Variants in PALM2AKAP2 observed in about 807,000 individuals in gnomAD.
PALM2AKAP2 encodes PALM2-AKAP2 fusion protein.
Under a neutral mutation model 71.5 loss-of-function variants are expected in PALM2AKAP2, and 37 were observed. The ratio of observed to expected loss-of-function variants is 0.52; its 90% confidence interval spans 0.40 to 0.68. The LOEUF (loss-of-function observed/expected upper bound fraction) is 0.68. Ranked by LOEUF, PALM2AKAP2 falls within the 30% of genes least tolerant of loss-of-function variation. The probability of loss-of-function intolerance (pLI) is 0.00; values close to 1 mark genes in which losing one functional copy is unlikely to be tolerated. For missense variants in PALM2AKAP2, 1,224 were observed against 1,191.8 expected, an observed-to-expected ratio of 1.03 and a Z score of -0.40; for synonymous variants, 468 against 478.8, an observed-to-expected ratio of 0.98 and a Z score of 0.29.
chr9:110,020,109 G>C (rs1005235161), intron 7 of PALM2AKAP2, among the ~76,000 whole-genome samples: 4 of 152,040 alleles, frequency 2.6e-5, no homozygotes, highest in African/African-American at 9.7e-5. Context: ...CCTTTTGCCT[G>C]AGAAAACAAA....
At chr9:109,726,596 G>T (rs751511494) in intron 1 of PALM2AKAP2, among the ~76,000 whole-genome samples, 1 of 152,154 alleles carries the variant, frequency 6.6e-6, no homozygotes, top group Non-Finnish European at 1.5e-5. Flanking sequence ...TTTCAACTAA[G>T]AATCCTCACT....
At chr9:110,026,355 A>C (rs1833182370) in intron 7 of PALM2AKAP2, among the ~76,000 whole-genome samples, 1 of 152,198 alleles carries the variant, frequency 6.6e-6, no homozygotes, top group Non-Finnish European at 1.5e-5. Flanking sequence ...GTGAGATTAC[A>C]GGTGTAAGCC....
intron 3 of PALM2AKAP2, among the ~76,000 whole-genome samples, chr9:109,887,363 G>A (rs1286855789): frequency 6.6e-6 from 1 of 152,194 alleles, no homozygotes; most frequent in East Asian, 1.9e-4. Flanking sequence ...ACTCCACAGT[G>A]GCATTCCACA....
Position 110,135,164 on chromosome 9 carries a change from A to AAAAAAAAAAATATATATATATATATATAT in PALM2AKAP2, c.157-962_157-961insAAAAAAAAATATATATATATATATATATA. Among the ~76,000 whole-genome samples, 35 of 51,704 alleles carry AAAAAAAAAAATATATATATATATATATAT rather than the reference A, an allele frequency of 6.8e-4. 1 individual carries two copies. The highest frequency in any genetic ancestry group is 0.01 in the Middle Eastern group (1 of 96). The allele number at this position is 51,704 out of a possible 152,430, so 33.9% of individuals were successfully genotyped here. A position where few individuals can be genotyped will look rare whatever the true frequency, so the allele number is the denominator to read the frequency against. Reference sequence around the variant, plus strand: ...AACTCTGTCTCTACAAAAAAAAAAAAATATATAAATATATATATATATATA... The same window carrying AAAAAAAAAAATATATATATATATATATAT: ...AACTCTGTCTCTACAAAAAAAAAAAAAAAAAAAAAATATATATATATATATATATATATATAAATATATATATATATATA... On this transcript the variant is annotated intron_variant, in intron 1 of 3. Transcript: ENST00000374525.
chr9:109,879,507 A>C (rs1381097705), intron 2 of PALM2AKAP2, among the ~76,000 whole-genome samples: 4 of 152,112 alleles, frequency 2.6e-5, no homozygotes, highest in Non-Finnish European at 4.4e-5. Flanking sequence ...GTGGAACCTG[A>C]ATCAAAATTA....
At chr9:109,785,156 A>T (rs1220408918) in intron 1 of PALM2AKAP2, among the ~76,000 whole-genome samples, 1 of 152,230 alleles carries the variant, frequency 6.6e-6, no homozygotes, top group Non-Finnish European at 1.5e-5. Context: ...CTCAGGCTAC[A>T]CCAGGGACCA....
At position 109,691,873 on chromosome 9, in the gene PALM2AKAP2, CACACACACATATATATATATATATATAT is replaced by C. The variant is rs1226715098; in HGVS notation, c.5+51017_5+51044del. Among the ~76,000 whole-genome samples the C allele has an allele frequency of 2.7e-3, 139 of 51,940 alleles. 1 individual carries two copies. Among genetic ancestry groups the C allele is most frequent in the African/African-American group, 8.5e-3 (125 of 14,680 alleles). 34.1% of individuals were successfully genotyped at this position (51,940 alleles called of 152,430 possible). On this transcript the variant is annotated intron_variant, in intron 1 of 6. Transcript: ENST00000374531. ...ATATATATATATATATATATACACA[CACACACACATATATATATATATATATAT>C]ACACACACACATATATATATATACA...
At chr9:109,726,861 C>T (rs1828485386) in intron 1 of PALM2AKAP2, among the ~76,000 whole-genome samples, 1 of 152,142 alleles carries the variant, frequency 6.6e-6, no homozygotes, top group Non-Finnish European at 1.5e-5. Flanking sequence ...CAACTCTAGC[C>T]ATATTTCAAG....
At chr9:109,745,011 T>C (rs1312408752) in intron 1 of PALM2AKAP2, among the ~76,000 whole-genome samples, 4 of 152,192 alleles carry the variant, frequency 2.6e-5, no homozygotes, top group Admixed American at 6.5e-5. Flanking sequence ...CTCCTTCTTC[T>C]CAGCCCAGGC....
At chr9:109,960,557 T>C (rs985802153) in intron 6 of PALM2AKAP2, among the ~76,000 whole-genome samples, 1 of 152,148 alleles carries the variant, frequency 6.6e-6, no homozygotes, top group Non-Finnish European at 1.5e-5. Flanking sequence ...GCAGGAGGAT[T>C]GCTTGAGCAC....
At chr9:109,783,681 A>G (rs1826881217) in intron 1 of PALM2AKAP2, among the ~76,000 whole-genome samples, 1 of 152,190 alleles carries the variant, frequency 6.6e-6, no homozygotes, top group Admixed American at 6.5e-5. Context: ...ACTGCTTTAG[A>G]CAGAGGCAGA....
exon 2 of PALM2AKAP2, chr9:110,137,528 T>C: frequency 6.2e-7 from 1 of 1,614,164 alleles, no homozygotes; most frequent in Non-Finnish European, 8.5e-7. Flanking sequence ...ATCTAAACTG[T>C]GGGCTGAGGA....
At chr9:110,042,323 G>C (rs184927421) in intron 7 of PALM2AKAP2, among the ~76,000 whole-genome samples, 50 of 152,312 alleles carry the variant, frequency 3.3e-4, no homozygotes, top group Non-Finnish European at 5.9e-4. Context: ...CTACTTGGGA[G>C]GCTGAGGGAG....
At chr9:109,750,115 C>T (rs1687069197) in intron 1 of PALM2AKAP2, among the ~76,000 whole-genome samples, 1 of 152,142 alleles carries the variant, frequency 6.6e-6, no homozygotes, top group African/African-American at 2.4e-5. Flanking sequence ...GACAGAAAGA[C>T]AAGGAGTGAA....
intron 1 of PALM2AKAP2, among the ~76,000 whole-genome samples, chr9:109,650,521 ATCT>A (rs1827211182): frequency 6.6e-6 from 1 of 152,126 alleles, no homozygotes; most frequent in Non-Finnish European, 1.5e-5. Flanking sequence ...GGCTCAAGAG[ATCT>A]TCTTGCCGCA....
intron 1 of PALM2AKAP2, among the ~76,000 whole-genome samples, chr9:109,740,471 G>C (rs1422942097): frequency 6.6e-6 from 1 of 152,040 alleles, no homozygotes; most frequent in Admixed American, 6.6e-5. Flanking sequence ...AGCCATTTGG[G>C]GTAACAATTT....
intron 1 of PALM2AKAP2, among the ~76,000 whole-genome samples, chr9:109,856,537 T>C (rs1166378024): frequency 6.6e-6 from 1 of 152,246 alleles, no homozygotes; most frequent in Non-Finnish European, 1.5e-5. Flanking sequence ...TAATAGGAAT[T>C]GTTGCCTGAA....
intron 1 of PALM2AKAP2, among the ~76,000 whole-genome samples, chr9:109,714,263 A>G (rs371294044): frequency 1.3e-5 from 2 of 151,944 alleles, no homozygotes; most frequent in East Asian, 3.9e-4. Flanking sequence ...TTAATTTACC[A>G]CCTTAGGTTC....
At chr9:109,779,847 C>T (rs1354286445), upstream of PALM2AKAP2, among the ~76,000 whole-genome samples, 1 of 152,196 alleles carries the variant, frequency 6.6e-6, no homozygotes, top group Non-Finnish European at 1.5e-5. Context: ...TGGCCCCAGC[C>T]CCCACGTAAC....
Sources: allele counts gnomAD v4.1 joint callset (sites outside exome capture counted in the v4.1 genomes callset), GRCh38; gene constraint gnomAD v4.1.1; transcripts MANE v1.5; gene names NCBI Gene and HGNC (gene_info 2026-07-23, HGNC 2026-07-21).